Variants in RIOX2 observed in about 807,000 individuals in gnomAD.
The protein encoded by RIOX2 is 60S ribosomal protein L27a histidine hydroxylase.
A neutral mutation model predicts 51.2 loss-of-function variants in RIOX2; 43 were observed. That is an observed-to-expected ratio of 0.84 (90% CI 0.66 to 1.08). RIOX2 has a LOEUF of 1.08. Among genes scored for constraint, RIOX2 ranks in the 50% least tolerant of loss-of-function variants. The pLI is 0.00. For missense variants in RIOX2, 566 were observed against 561.7 expected (o/e 1.01, Z -0.08); for synonymous variants, 226 against 218.5 (o/e 1.03, Z -0.30).
At chr3:97,946,019 A>AAT (rs2040348920) in intron 8 of RIOX2, 132 bp from the exon 9 acceptor site, 2 of 651,974 alleles carry the variant, frequency 3.1e-6, no homozygotes, top group African/African-American at 3.7e-5. Flanking sequence ...AAATTTATTG[A>AAT]ATACTGTAAA....
At chr3:97,962,254 T>C (rs891348954) in intron 2 of RIOX2, among the ~76,000 whole-genome samples, 1 of 151,434 alleles carries the variant, frequency 6.6e-6, no homozygotes, top group Non-Finnish European at 1.5e-5. Flanking sequence ...GGCAATCAGT[T>C]CCCCTTTCCA....
chr3:97,953,413 C>T (rs1705322709), intron 5 of RIOX2, among the ~76,000 whole-genome samples: 1 of 151,778 alleles, frequency 6.6e-6, no homozygotes, highest in African/African-American at 2.4e-5. Context: ...CAGGGTCTCG[C>T]TCTGTCGCCC....
chr3:97,971,659 A>G (rs542767006), intron 1 of RIOX2: 1 of 152,336 alleles, frequency 6.6e-6, no homozygotes, highest in South Asian at 2.1e-4. Flanking sequence ...GTACCAGCAG[A>G]AGAAGCTGAG....
intron 7 of RIOX2, among the ~76,000 whole-genome samples, chr3:97,948,556 C>G (rs1461604373): frequency 6.6e-6 from 1 of 152,186 alleles, no homozygotes; most frequent in Non-Finnish European, 1.5e-5. Flanking sequence ...AACCACAACA[C>G]TGACCGAACA....
chr3:97,952,336 C>T, intron 5 of RIOX2: 1 of 805,238 alleles, frequency 1.2e-6, no homozygotes, highest in South Asian at 1.4e-5. Flanking sequence ...ACTTCTGTAA[C>T]TTAGGAAGCT....
rs34097037 is a variant in RIOX2 at position 97,967,315 on chromosome 3, C to T, written c.279G>A (p.Gly93=). 5.0e-3 allele frequency: 8,067 copies of T among 1,614,172 alleles called. 24 individuals carry two copies. Among genetic ancestry groups the T allele is most frequent in the Non-Finnish European group, 6.2e-3 (7,339 of 1,180,040 alleles). Residue 93 remains glycine, a synonymous_variant, in exon 2 of 10, where the codon GGG becomes GGA. Transcript: ENST00000394198. ...LTDLKSLCSR[G]MYYGRDVNVC... ...CATTCACATCTCTTCCATAGTACAT[C>T]CCCCGGCTGCACAGACTCTTCAGAT...
At chr3:97,955,853 C>T (rs1379520220) in intron 4 of RIOX2, among the ~76,000 whole-genome samples, 1 of 152,094 alleles carries the variant, frequency 6.6e-6, no homozygotes, top group African/African-American at 2.4e-5. Context: ...AGGCTCCAAA[C>T]CTATACAGCA....
chr3:97,962,045 GAA>G lies in RIOX2; in HGVS notation c.433-339_433-338del, dbSNP rs1705698356. On this transcript the variant is annotated intron_variant, in intron 2 of 9. Coordinates refer to ENST00000394198, the MANE Select transcript of RIOX2 (RefSeq NM_153182.4). ...GTTATTGTGTGAAGAATGCACTGTA[GAA>G]AAGAGTGGAAGTCAGAGAGACTAGT... Among the ~76,000 whole-genome samples the G allele has an allele frequency of 4.6e-5, 7 of 152,252 alleles. No homozygotes were observed. The South Asian group carries it at 1.5e-3, about 32-fold the overall frequency.
At chr3:97,955,700 T>C (rs1705426037) in intron 4 of RIOX2, among the ~76,000 whole-genome samples, 1 of 152,178 alleles carries the variant, frequency 6.6e-6, no homozygotes, top group Admixed American at 6.5e-5. Flanking sequence ...TGAGTGAGAC[T>C]CTCAGGTATA....
At chr3:97,965,194 G>A (rs1274890191) in intron 2 of RIOX2, among the ~76,000 whole-genome samples, 4 of 146,532 alleles carry the variant, frequency 2.7e-5, no homozygotes, top group African/African-American at 1.0e-4. Flanking sequence ...CTCCAGCACG[G>A]GTGGTACAAA....
At chr3:97,960,239 A>G (rs1705625416) in intron 3 of RIOX2, among the ~76,000 whole-genome samples, 1 of 152,208 alleles carries the variant, frequency 6.6e-6, no homozygotes. Flanking sequence ...CTTGATGTGT[A>G]TTGTAGATTA....
intron 6 of RIOX2, 90 bp from the exon 7 acceptor site, chr3:97,950,105 A>G (rs1200275702): frequency 1.5e-6 from 2 of 1,297,174 alleles, no homozygotes; most frequent in Non-Finnish European, 1.1e-6. Context: ...ACTGCCAGCC[A>G]CCGGGTATAG....
intron 4 of RIOX2, 40 bp downstream of exon 4, chr3:97,959,011 T>G: frequency 6.4e-7 from 1 of 1,559,312 alleles, no homozygotes; most frequent in South Asian, 1.2e-5. Flanking sequence ...GAAACCACAA[T>G]GGCTCTAACA....
Position 97,967,600 on chromosome 3 carries a change from G to T in RIOX2, c.-7C>A, listed in dbSNP as rs1376973914. ...GCTTTGCTTTCTTTGGCATCGTTCT[G>T]TCTTCAAGACAAAGCAGTAAGGAAA... On this transcript the variant is annotated 5_prime_UTR_variant, in exon 2 of 10. Transcript: ENST00000394198. 4 of 1,566,934 alleles carry T rather than the reference G, an allele frequency of 2.6e-6. No individual in the cohort carries two copies. In the South Asian group the frequency reaches 4.8e-5, roughly 19 times the overall value.
chr3:97,966,434 A>G (rs1705892478), intron 2 of RIOX2, among the ~76,000 whole-genome samples: 1 of 152,264 alleles, frequency 6.6e-6, no homozygotes, highest in Admixed American at 6.5e-5. Context: ...CAGATCTCAA[A>G]CCTTGAGGAA....
At chr3:97,962,495 G>A (rs832082) in intron 2 of RIOX2, among the ~76,000 whole-genome samples, 35,033 of 151,344 alleles carry the variant, frequency 0.23, 4,535 homozygotes, top group African/African-American at 0.35. Flanking sequence ...ATGATAACAC[G>A]GGAAGAAGGT....
Position 97,943,119 on chromosome 3 carries a change from A to G in RIOX2, c.*2065T>C. The G allele has an allele frequency of 1.6e-6, 1 of 641,952 alleles. No individual in the cohort carries two copies. The highest frequency in any genetic ancestry group is 2.7e-6 in the Non-Finnish European group (1 of 364,692). The allele number at this position is 641,952 out of a possible 1,614,324, so 39.8% of individuals were successfully genotyped here. A position where few individuals can be genotyped will look rare whatever the true frequency, so the allele number is the denominator to read the frequency against. ...CATTTCAGACTTCTTTGTAAATGAC[A>G]CATTCATCCACCGAAATGGTGAGCT... On this transcript the variant is annotated 3_prime_UTR_variant, in exon 10 of 10. Transcript: ENST00000394198.
intron 5 of RIOX2, chr3:97,952,399 G>A (rs1364890811): frequency 5.7e-5 from 24 of 418,278 alleles, no homozygotes; most frequent in Middle Eastern, 1.7e-3. Flanking sequence ...AGGGGCAGCC[G>A]GCCAGTTCCT....
At chr3:97,950,106 C>A (rs1176683178) in intron 6 of RIOX2, 91 bp from the exon 7 acceptor site, 2 of 1,277,878 alleles carry the variant, frequency 1.6e-6, no homozygotes, top group Non-Finnish European at 2.2e-6. Flanking sequence ...CTGCCAGCCA[C>A]CGGGTATAGA....
Sources: gnomAD v4.1 joint callset for allele counts (sites outside exome capture counted in the v4.1 genomes callset) on GRCh38, gnomAD v4.1.1 for gene constraint, MANE v1.5 for transcripts, NCBI Gene and HGNC (gene_info 2026-07-23, HGNC 2026-07-21) for gene names.